The following SNX29 variants were observed in gnomAD, a reference collection of about 807,000 sequenced individuals.
The protein encoded by SNX29 is sorting nexin 29.
In SNX29, 78 loss-of-function variants were observed where a neutral mutation model predicts 102.1. The ratio of observed to expected loss-of-function variants is 0.76; its 90% CI spans 0.64 to 0.92. SNX29 has a LOEUF of 0.92. SNX29 is among the 40% of genes least tolerant of loss of function. The probability of loss-of-function intolerance (pLI) is 0.00; values close to 1 mark genes in which losing one functional copy is unlikely to be tolerated. For missense variants in SNX29, 1,280 were observed against 1,061.7 expected (o/e 1.21, Z -2.86); for synonymous variants, 580 against 414.5 (o/e 1.40, Z -4.85).
intron 20 of SNX29, among the ~76,000 whole-genome samples, chr16:12,555,362 C>T (rs978091970): frequency 6.6e-6 from 1 of 152,000 alleles, no homozygotes; most frequent in African/African-American, 2.4e-5. Flanking sequence ...TAACTTTTCT[C>T]CCATGAGGCG....
At chr16:12,484,150 C>T (rs1300599631) in intron 19 of SNX29, among the ~76,000 whole-genome samples, 1 of 152,146 alleles carries the variant, frequency 6.6e-6, no homozygotes, top group African/African-American at 2.4e-5. Flanking sequence ...CTCTTTCTCC[C>T]TCTCTCTTTT....
chr16:12,278,715 C>A lies in SNX29; in HGVS notation c.1782+679C>A, dbSNP rs1382478872. Among the ~76,000 whole-genome samples, 4 of 152,160 alleles carry A rather than the reference C, an allele frequency of 2.6e-5. No individual in the cohort carries two copies. In the East Asian group the frequency reaches 7.7e-4, roughly 29 times the overall value. ...GACAAAGATAGCATAAAAAAGAAAA[C>A]TATCAAATAGAATCATTTGTGTATA... On this transcript the variant is annotated intron_variant, in intron 15 of 20. Coordinates refer to ENST00000566228, the MANE Select transcript of SNX29 (RefSeq NM_032167.5).
At chr16:12,310,011 C>T (rs904901335) in intron 15 of SNX29, among the ~76,000 whole-genome samples, 1 of 150,296 alleles carries the variant, frequency 6.7e-6, no homozygotes, top group Non-Finnish European at 1.5e-5. Context: ...CAGACGTGTG[C>T]ACGCACGCTT....
chr16:12,555,277 C>A (rs3135007), intron 20 of SNX29, among the ~76,000 whole-genome samples: 28,920 of 151,036 alleles, frequency 0.19, 2,940 homozygotes, highest in East Asian at 0.43. Flanking sequence ...TATGACCTCC[C>A]AGAGAGCAGG....
intron 18 of SNX29, 89 bp from the exon 19 acceptor site, chr16:12,477,630 A>T (rs2087716494): frequency 6.8e-7 from 1 of 1,472,866 alleles, no homozygotes; most frequent in Admixed American, 2.1e-5. Context: ...CTCTTGCTGC[A>T]GTTGGTTTTC....
chr16:12,557,066 CAG>C (rs1194322787), intron 20 of SNX29, among the ~76,000 whole-genome samples: 31 of 147,036 alleles, frequency 2.1e-4, no homozygotes, highest in Middle Eastern at 3.4e-3. Context: ...AGGCTGGCCT[CAG>C]AGTCTGCCAG....
chr16:12,126,749 C>A (rs1468013040), intron 12 of SNX29, 53 bp downstream of exon 12: 39 of 1,592,014 alleles, frequency 2.4e-5, no homozygotes, highest in Non-Finnish European at 2.3e-5. Flanking sequence ...CATTCTGCCT[C>A]TGGGGAAGAC....
At position 12,525,587 on chromosome 16, in the gene SNX29, G is replaced by C. The variant is rs577209464; in HGVS notation, c.2318+746G>C. 2.0e-5 allele frequency among the ~76,000 whole-genome samples: 3 copies of C among 152,082 alleles called. No individual in the cohort carries two copies. The South Asian group carries it at 6.2e-4, about 32-fold the overall frequency. ...GGCGCCTGTAGTCCCAGCTACTTGG[G>C]AGGCTGAGGCAGGAGAATCACTTGA... On this transcript the variant is annotated intron_variant, in intron 20 of 20. Coordinates refer to ENST00000566228, the MANE Select transcript of SNX29 (RefSeq NM_032167.5).
chr16:12,221,153 G>A (rs1024285614), intron 14 of SNX29, among the ~76,000 whole-genome samples: 1 of 151,872 alleles, frequency 6.6e-6, no homozygotes, highest in Non-Finnish European at 1.5e-5. Flanking sequence ...TTTCTGCGAG[G>A]CACACGTAGT....
At chr16:12,384,307 C>T (rs978164242) in intron 16 of SNX29, among the ~76,000 whole-genome samples, 2 of 152,200 alleles carry the variant, frequency 1.3e-5, no homozygotes, top group Non-Finnish European at 2.9e-5. Context: ...ATTTTCTCCA[C>T]AGTGGTTGTG....
intron 18 of SNX29, among the ~76,000 whole-genome samples, chr16:12,471,793 T>A (rs559431054): frequency 6.6e-6 from 1 of 152,282 alleles, no homozygotes; most frequent in African/African-American, 2.4e-5. Context: ...TGTATAGACC[T>A]TTATAACCAC....
At chr16:12,479,012 CAT>C (rs1330696873) in intron 19 of SNX29, among the ~76,000 whole-genome samples, 1 of 152,154 alleles carries the variant, frequency 6.6e-6, no homozygotes, top group Non-Finnish European at 1.5e-5. Flanking sequence ...AGACATCGGG[CAT>C]TGTATTGAGC....
chr16:12,094,045 C>G (rs915888243), intron 11 of SNX29, among the ~76,000 whole-genome samples: 6 of 152,114 alleles, frequency 3.9e-5, no homozygotes, highest in Non-Finnish European at 5.9e-5. Flanking sequence ...TGGCTGTGTT[C>G]TTACGCACAT....
intron 13 of SNX29, among the ~76,000 whole-genome samples, chr16:12,192,400 GC>G (rs1234205085): frequency 7.9e-5 from 12 of 152,182 alleles, no homozygotes; most frequent in Admixed American, 7.9e-4. Flanking sequence ...ATCGTTTCTT[GC>G]CTGGATGACC....
chr16:12,204,894 G>T (rs967345636), intron 14 of SNX29, among the ~76,000 whole-genome samples: 2 of 151,376 alleles, frequency 1.3e-5, no homozygotes, highest in African/African-American at 2.4e-5. Flanking sequence ...GTGCTCTGGG[G>T]TGTTAGTTGC....
chr16:11,983,235 A>ATTTTTTTTTTTT (rs557542669), intron 1 of SNX29, among the ~76,000 whole-genome samples: 1 of 129,620 alleles, frequency 7.7e-6, no homozygotes, highest in Non-Finnish European at 1.6e-5. Flanking sequence ...CTGGGTTACA[A>ATTTTTTTTTTTT]TTTTTTTTTT....
chr16:12,076,303 CTTT>C (rs541884560), intron 10 of SNX29, among the ~76,000 whole-genome samples: 6 of 139,776 alleles, frequency 4.3e-5, no homozygotes, highest in Non-Finnish European at 3.1e-5. Flanking sequence ...TGGCTCCTCC[CTTT>C]TTTTTTTTTT....
At position 12,073,423 on chromosome 16, in the gene SNX29, T is replaced by G. The variant is rs533055549; in HGVS notation, c.1319+4291T>G. Among the ~76,000 whole-genome samples, 764 of 152,364 alleles carry G rather than the reference T, an allele frequency of 5.0e-3. 6 individuals carry two copies. Among genetic ancestry groups the G allele is most frequent in the African/African-American group, 0.017 (716 of 41,584 alleles). ...CATCTTTATTTCTGCCTTCATTTCG[T>G]TATGTACCCAGTAGTCATTCAGGAG... On this transcript the variant is annotated intron_variant, in intron 10 of 20. Transcript: ENST00000566228.
At chr16:12,539,202 C>G (rs2077213269) in intron 20 of SNX29, among the ~76,000 whole-genome samples, 1 of 152,158 alleles carries the variant, frequency 6.6e-6, no homozygotes, top group Admixed American at 6.5e-5. Flanking sequence ...ATTTGAGTAA[C>G]CACCATCACC....
Sources: allele counts gnomAD v4.1 joint callset (sites outside exome capture counted in the v4.1 genomes callset), GRCh38; gene constraint gnomAD v4.1.1; transcripts MANE v1.5; gene names NCBI Gene and HGNC (gene_info 2026-07-23, HGNC 2026-07-21).